The following AIG1 variants were observed in gnomAD, a reference collection of about 807,000 sequenced individuals.
AIG1 encodes the protein androgen-induced gene 1 protein.
A neutral mutation model predicts 31.4 loss-of-function variants in AIG1; 23 were observed. The ratio of observed to expected loss-of-function variants is 0.73; its 90% confidence interval spans 0.53 to 1.04. The LOEUF (loss-of-function observed/expected upper bound fraction) is 1.04, where lower values mean the gene tolerates loss of function less well. AIG1 is among the 50% of genes least tolerant of loss of function. The probability of loss-of-function intolerance (pLI) is 0.00; values close to 1 mark genes in which losing one functional copy is unlikely to be tolerated. For synonymous variants in AIG1, 100 were observed against 110.5 expected, an observed-to-expected ratio of 0.90 and a Z score of 0.60; for missense variants, 274 against 295.0, an observed-to-expected ratio of 0.93 and a Z score of 0.52.
chr6:143,323,441 A>G (rs1022269688), intron 4 of AIG1, among the ~76,000 whole-genome samples: 2 of 150,206 alleles, frequency 1.3e-5, no homozygotes, highest in Non-Finnish European at 3.0e-5. Context: ...TTAAACTATG[A>G]TTATACCTTA....
chr6:143,336,018 T>G (rs1777462925), intron 5 of AIG1, among the ~76,000 whole-genome samples: 1 of 152,076 alleles, frequency 6.6e-6, no homozygotes, highest in African/African-American at 2.4e-5. Flanking sequence ...TGACTAACTT[T>G]CCCTCGTTCT....
chr6:143,165,679 T>G (rs888533789), intron 3 of AIG1, among the ~76,000 whole-genome samples: 2 of 152,202 alleles, frequency 1.3e-5, no homozygotes, highest in Non-Finnish European at 2.9e-5. Flanking sequence ...TTTGGAAGTG[T>G]CTTTTGCAAT....
chr6:143,331,839 G>A lies in AIG1; in HGVS notation c.516-1443G>A, dbSNP rs966416626. Among the ~76,000 whole-genome samples, 2 of 138,220 alleles carry A rather than the reference G, an allele frequency of 1.4e-5. No homozygotes were observed. Among genetic ancestry groups the A allele is most frequent in the South Asian group, 5.0e-4 (2 of 4,000 alleles). The allele number at this position is 138,220 out of a possible 152,430, so 90.7% of individuals were successfully genotyped here. Reference sequence around the variant, plus strand: ...CTGCCAAAAATGAGGTACATGTGTAGGTAATGTTTATTATTATTATTATTA... The same window carrying A: ...CTGCCAAAAATGAGGTACATGTGTAAGTAATGTTTATTATTATTATTATTA... On this transcript the variant is annotated intron_variant, in intron 4 of 5. Transcript: ENST00000357847. The surrounding 1 kb of genome is among the most constrained non-coding windows in gnomAD (Gnocchi z 4.1).
Position 143,284,322 on chromosome 6 carries a change from C to A in AIG1, c.515+97C>A. 1.1e-6 allele frequency: 1 copy of A among 873,306 alleles called. No individual in the cohort carries two copies. The highest frequency in any genetic ancestry group is 1.8e-6 in the Non-Finnish European group (1 of 548,810). 54.1% of individuals were successfully genotyped at this position (873,306 alleles called of 1,614,324 possible). A position where few individuals can be genotyped will look rare whatever the true frequency, so the allele number is the denominator to read the frequency against. Reference sequence around the variant, plus strand: ...TTATGGATATAATCACTAACAGATTCACGCTGTGTGCCGCATTTGGTCCAA... The same window carrying A: ...TTATGGATATAATCACTAACAGATTAACGCTGTGTGCCGCATTTGGTCCAA... On this transcript the variant is annotated intron_variant, in intron 4 of 5. Transcript: ENST00000357847. The surrounding 1 kb of genome is among the most constrained non-coding windows in gnomAD (Gnocchi z 4.4).
At chr6:143,136,566 T>G (rs1336923939) in intron 1 of AIG1, among the ~76,000 whole-genome samples, 1 of 152,254 alleles carries the variant, frequency 6.6e-6, no homozygotes, top group African/African-American at 2.4e-5. Flanking sequence ...GATACTTCTT[T>G]CTGATGGGCC....
chr6:143,267,288 T>C (rs542023606), intron 3 of AIG1, among the ~76,000 whole-genome samples: 3 of 152,198 alleles, frequency 2.0e-5, no homozygotes, highest in Non-Finnish European at 4.4e-5. Flanking sequence ...CTGCTATTCT[T>C]CATGCATCCT....
intron 1 of AIG1, among the ~76,000 whole-genome samples, chr6:143,104,507 A>T (rs1483944115): frequency 6.6e-6 from 1 of 152,316 alleles, no homozygotes; most frequent in East Asian, 1.9e-4. Flanking sequence ...ACCTTTGAGT[A>T]TGTGACATTT....
Position 143,284,208 on chromosome 6 carries a change from T to C in AIG1, c.498T>C (p.Ser166=). 6.2e-7 allele frequency: 1 copy of C among 1,612,292 alleles called. No homozygotes were observed. Among genetic ancestry groups the C allele is most frequent in the Non-Finnish European group, 8.5e-7 (1 of 1,178,476 alleles). The part of the protein sequence containing the change: ...SSGLTAICTF[S]VGYILWVCWV... The stretch of plus-strand genomic sequence containing the variant: ...GACTTACCGCCATATGTACCTTCTC[T>C]GTTGGCTATATATTATGGTAAGGAC... The change falls in exon 4 of 6, where the codon TCT becomes TCC. Residue 166 remains serine, a synonymous_variant. Transcript: ENST00000357847. This position sits in a 1 kb window ranked among gnomAD's most constrained non-coding sequence, Gnocchi z 4.4.
intron 1 of AIG1, among the ~76,000 whole-genome samples, chr6:143,073,342 A>G (rs1489830423): frequency 3.3e-5 from 5 of 152,210 alleles, no homozygotes; most frequent in African/African-American, 1.2e-4. Flanking sequence ...GGGAGTGCAG[A>G]TATCTTTGTG....
rs1798685400 is a variant in AIG1 at position 143,299,580 on chromosome 6, C to A, written c.515+15355C>A. On this transcript the variant is annotated intron_variant, in intron 4 of 5. Transcript: ENST00000357847. This position sits in a 1 kb window ranked among gnomAD's most constrained non-coding sequence, Gnocchi z 4.1. ...ATGGAAGTTTGAAGTTATGAAATAC[C>A]CATATGCTTAAAGAGAGAAATGAGT... The A allele has an allele frequency of 6.6e-6, 1 of 152,082 alleles. No homozygotes were observed. Among genetic ancestry groups the A allele is most frequent in the African/African-American group, 2.4e-5 (1 of 41,404 alleles). The allele number at this position is 152,082 out of a possible 1,614,324, so 9.4% of individuals were successfully genotyped here. A position where few individuals can be genotyped will look rare whatever the true frequency, so the allele number is the denominator to read the frequency against.
At chr6:143,257,099 G>A (rs1020142930) in intron 3 of AIG1, among the ~76,000 whole-genome samples, 14 of 152,110 alleles carry the variant, frequency 9.2e-5, no homozygotes, top group African/African-American at 1.7e-4. Flanking sequence ...AAGGAATCAC[G>A]TCAAAGCTCC....
intron 3 of AIG1, among the ~76,000 whole-genome samples, chr6:143,181,963 T>A (rs1202660832): frequency 6.6e-6 from 1 of 152,148 alleles, no homozygotes; most frequent in Admixed American, 6.5e-5. Flanking sequence ...CCATGGCTAC[T>A]TAAGGTTTAG....
At chr6:143,233,400 TAAA>T (rs1259133779) in intron 3 of AIG1, among the ~76,000 whole-genome samples, 2 of 151,982 alleles carry the variant, frequency 1.3e-5, no homozygotes, top group African/African-American at 4.8e-5. Flanking sequence ...TTTGACGAGA[TAAA>T]GAAGAAGGGG....
At chr6:143,187,465 C>G in intron 3 of AIG1, 1 of 1,535,442 alleles carries the variant, frequency 6.5e-7, no homozygotes, top group South Asian at 1.2e-5. Flanking sequence ...GTTTGGCACT[C>G]GACACTCTGC....
chr6:143,073,644 G>T (rs1248942773), intron 1 of AIG1, among the ~76,000 whole-genome samples: 1 of 152,174 alleles, frequency 6.6e-6, no homozygotes, highest in Non-Finnish European at 1.5e-5. Flanking sequence ...TAATTTATAA[G>T]AAAAGAGGTT....
chr6:143,229,414 G>A (rs920053230), intron 3 of AIG1, among the ~76,000 whole-genome samples: 1 of 152,146 alleles, frequency 6.6e-6, no homozygotes, highest in Non-Finnish European at 1.5e-5. Context: ...TTCCCTTCTA[G>A]CCTCTCTGGA....
Position 143,327,565 on chromosome 6 carries a change from A to G in AIG1, c.516-5717A>G, listed in dbSNP as rs1583883767. The G allele has an allele frequency of 5.3e-6, 2 of 374,694 alleles. No homozygotes were observed. Among genetic ancestry groups the G allele is most frequent in the East Asian group, 1.5e-4 (2 of 12,950 alleles). The allele number at this position is 374,694 out of a possible 1,614,324, so 23.2% of individuals were successfully genotyped here. ...TGTCCAGAAAATATTCTGAGGATGAAGATTCACCAAATAAGCTCTATACTT... is the reference window on the plus strand; with the variant it reads ...TGTCCAGAAAATATTCTGAGGATGAGGATTCACCAAATAAGCTCTATACTT... On this transcript the variant is annotated intron_variant, in intron 4 of 5. Coordinates refer to ENST00000357847, the MANE Select transcript of AIG1 (RefSeq NM_016108.4). The surrounding 1 kb of genome is among the most constrained non-coding windows in gnomAD (Gnocchi z 5.3).
chr6:143,099,369 A>G (rs1780054905), intron 1 of AIG1: 1 of 152,234 alleles, frequency 6.6e-6, no homozygotes. Flanking sequence ...AGCACACCAT[A>G]TTCTAAGCAA....
chr6:143,091,991 T>C (rs1485658061), intron 1 of AIG1, among the ~76,000 whole-genome samples: 1 of 152,064 alleles, frequency 6.6e-6, no homozygotes, highest in Non-Finnish European at 1.5e-5. Context: ...ATTAATAAAA[T>C]AATATTTTAC....
Sources: allele counts gnomAD v4.1 joint callset (sites outside exome capture counted in the v4.1 genomes callset), GRCh38; gene constraint gnomAD v4.1.1; non-coding constraint Gnocchi (gnomAD v3.1); transcripts MANE v1.5; gene names NCBI Gene and HGNC (gene_info 2026-07-23, HGNC 2026-07-21).